The following ZNF664 variants were observed in gnomAD, a reference collection of about 807,000 sequenced individuals.
ZNF664 encodes the protein zinc finger protein 664.
Under a neutral mutation model 18.2 loss-of-function variants are expected in ZNF664, and 10 were observed. That is an observed-to-expected ratio of 0.55 (90% CI 0.34 to 0.93). ZNF664 has a LOEUF of 0.93. Ranked by LOEUF, ZNF664 falls within the 40% of genes least tolerant of loss-of-function variation. The probability of loss-of-function intolerance (pLI) is 0.02; values close to 1 mark genes in which losing one functional copy is unlikely to be tolerated. For synonymous variants in ZNF664, 119 were observed against 104.2 expected (o/e 1.14, Z -0.86); for missense variants, 193 against 319.0 (o/e 0.61, Z 3.01).
intron 3 of ZNF664, among the ~76,000 whole-genome samples, chr12:124,005,325 T>A (rs1014792642): frequency 6.6e-6 from 1 of 152,258 alleles, no homozygotes; most frequent in African/African-American, 2.4e-5. Context: ...TGAGTTGGGT[T>A]TTGTTGAATG....
At chr12:123,996,766 C>T (rs1445393319) in intron 3 of ZNF664, among the ~76,000 whole-genome samples, 1 of 152,090 alleles carries the variant, frequency 6.6e-6, no homozygotes, top group Non-Finnish European at 1.5e-5. Context: ...ATTGCCTGGC[C>T]AGGGAGGGAA....
At chr12:123,973,469 A>C in intron 1 of ZNF664, 117 bp downstream of exon 1, 1 of 658,306 alleles carries the variant, frequency 1.5e-6, no homozygotes, top group Non-Finnish European at 1.9e-6. Context: ...AAGAAAAGAA[A>C]AACAACCCAT....
At chr12:123,982,975 C>A (rs1367321506) in intron 2 of ZNF664, among the ~76,000 whole-genome samples, 1 of 151,978 alleles carries the variant, frequency 6.6e-6, no homozygotes, top group East Asian at 1.9e-4. Flanking sequence ...GGCAACATGG[C>A]AAAACCCCGT....
At chr12:123,984,011 G>GC (rs2138347427) in intron 2 of ZNF664, among the ~76,000 whole-genome samples, 2 of 152,310 alleles carry the variant, frequency 1.3e-5, no homozygotes, top group East Asian at 3.9e-4. Context: ...AGTGTGAAGA[G>GC]CCGAGGTTTC....
intron 2 of ZNF664, among the ~76,000 whole-genome samples, chr12:123,980,108 TAATG>T (rs1445083705): frequency 6.6e-6 from 1 of 152,142 alleles, no homozygotes; most frequent in Non-Finnish European, 1.5e-5. Flanking sequence ...CAAAACAAAA[TAATG>T]AAGGGTGAGT....
intron 2 of ZNF664, among the ~76,000 whole-genome samples, chr12:123,981,995 G>T (rs1956770237): frequency 6.6e-6 from 1 of 152,190 alleles, no homozygotes; most frequent in Admixed American, 6.5e-5. Flanking sequence ...TGTCTTTGGG[G>T]TTCATTGGGT....
chr12:124,013,174 C>T lies in ZNF664; in HGVS notation c.*244C>T. 3.6e-6 allele frequency: 2 copies of T among 559,666 alleles called. No individual in the cohort carries two copies. The highest frequency in any genetic ancestry group is 3.4e-5 in the East Asian group (1 of 29,294). 34.7% of individuals were successfully genotyped at this position (559,666 alleles called of 1,614,324 possible). ...CAGGTCCCAGTCACAGACGTCGCTT[C>T]CTGGGATTCCAGCACGATGCCTCCA... On this transcript the variant is annotated 3_prime_UTR_variant, in exon 5 of 5. Coordinates refer to ENST00000337815, the MANE Select transcript of ZNF664 (RefSeq NM_152437.3).
chr12:123,979,703 G>A (rs1457866016), intron 2 of ZNF664, among the ~76,000 whole-genome samples: 1 of 152,122 alleles, frequency 6.6e-6, no homozygotes, highest in Non-Finnish European at 1.5e-5. Flanking sequence ...TTTTGAGACA[G>A]GGTCTTGCTC....
chr12:123,978,942 C>T (rs1956728200), intron 2 of ZNF664, among the ~76,000 whole-genome samples: 1 of 152,088 alleles, frequency 6.6e-6, no homozygotes. Context: ...GGATAAGTGG[C>T]TCTTTATTTA....
intron 3 of ZNF664, among the ~76,000 whole-genome samples, chr12:123,994,601 G>A (rs949884763): frequency 2.6e-5 from 4 of 152,144 alleles, no homozygotes; most frequent in Non-Finnish European, 5.9e-5. Flanking sequence ...GAAGAAATCC[G>A]GCCTTGCATA....
chr12:124,012,927 A>T lies in ZNF664; in HGVS notation c.783A>T (p.Ile261=). 6.2e-7 allele frequency: 1 copy of T among 1,612,108 alleles called. No individual in the cohort carries two copies. Among genetic ancestry groups the T allele is most frequent in the Non-Finnish European group, 8.5e-7 (1 of 1,179,480 alleles). Residue 261 remains isoleucine (I), a synonymous_variant, in exon 5 of 5, where the codon ATA becomes ATT. Coordinates refer to ENST00000337815, the MANE Select transcript of ZNF664 (RefSeq NM_152437.3). ...KERNHLKISV[I] is the part of the protein sequence containing the mutation. ...GAAACCATCTCAAAATATCAGTTAT[A>T]TAAAACGTTTTGCTAAGAGTTTAAA... is the stretch of plus-strand genomic sequence containing the variant.
At chr12:124,009,801 C>G (rs144403634) in intron 3 of ZNF664, among the ~76,000 whole-genome samples, 2 of 152,314 alleles carry the variant, frequency 1.3e-5, no homozygotes, top group African/African-American at 4.8e-5. Flanking sequence ...CAGGCATGAG[C>G]CAGTGTGCCA....
intron 2 of ZNF664, among the ~76,000 whole-genome samples, chr12:123,975,519 G>T (rs1956679438): frequency 6.6e-6 from 1 of 151,690 alleles, no homozygotes; most frequent in South Asian, 2.1e-4. Context: ...GGGACTCCTG[G>T]GCTCAAGTGA....
At chr12:123,994,727 C>G (rs1049414072) in intron 3 of ZNF664, among the ~76,000 whole-genome samples, 1 of 152,188 alleles carries the variant, frequency 6.6e-6, no homozygotes, top group Non-Finnish European at 1.5e-5. Context: ...TTGCAACGTA[C>G]AATCTGAAAC....
At chr12:123,991,374 CAG>C (rs1372779656) in intron 3 of ZNF664, among the ~76,000 whole-genome samples, 1 of 152,136 alleles carries the variant, frequency 6.6e-6, no homozygotes, top group African/African-American at 2.4e-5. Context: ...TGGGTGGGAA[CAG>C]GGAGCAGCAG....
chr12:123,981,400 TG>T (rs1956763471), intron 2 of ZNF664, among the ~76,000 whole-genome samples: 1 of 152,066 alleles, frequency 6.6e-6, no homozygotes. Context: ...CATAGATTAA[TG>T]GGTTGTCATG....
chr12:123,996,526 G>C (rs1956950285), intron 3 of ZNF664, among the ~76,000 whole-genome samples: 1 of 152,178 alleles, frequency 6.6e-6, no homozygotes, highest in South Asian at 2.1e-4. Flanking sequence ...ATGGCCTCAG[G>C]AAGGGCTTTC....
In ZNF664 at chr12:123,982,915, G is replaced by A. The variant is rs79843264; in HGVS notation, c.-756-5128G>A. ...CATGCCTGTAATCCCAGCACTTTGA[G>A]GGGCCAAGGCAGGCAGATGGCTTGA... On this transcript the variant is annotated intron_variant, in intron 2 of 4. Coordinates refer to ENST00000337815, the MANE Select transcript of ZNF664 (RefSeq NM_152437.3). 6.5e-3 allele frequency among the ~76,000 whole-genome samples: 997 copies of A among 152,302 alleles called. 15 individuals are homozygous for A. The highest frequency in any genetic ancestry group is 0.044 in the South Asian group (211 of 4,822).
At chr12:123,990,688 T>A (rs1956878835) in intron 3 of ZNF664, among the ~76,000 whole-genome samples, 1 of 152,342 alleles carries the variant, frequency 6.6e-6, no homozygotes, top group Admixed American at 6.5e-5. Flanking sequence ...CCCAGCTAGT[T>A]CCTGCCTGAC....
Sources: allele counts gnomAD v4.1 joint callset (sites outside exome capture counted in the v4.1 genomes callset), GRCh38; gene constraint gnomAD v4.1.1; transcripts MANE v1.5; gene names NCBI Gene and HGNC (gene_info 2026-07-23, HGNC 2026-07-21).